Variants in PPM1B observed in about 807,000 individuals in gnomAD.
The protein encoded by PPM1B is protein phosphatase 1B.
PPM1B carries 22 observed loss-of-function variants against 43.0 expected under a neutral mutation model. The observed-to-expected ratio is 0.51, with a 90% CI of 0.37 to 0.73. The LOEUF is 0.73. Among genes scored for constraint, PPM1B ranks in the 30% least tolerant of loss-of-function variants. PPM1B has a pLI of 0.00. For synonymous variants in PPM1B, 217 were observed against 197.9 expected (o/e 1.10, Z -0.81); for missense variants, 632 against 584.2 (o/e 1.08, Z -0.84).
chr2:44,189,905 A>T (rs1668321654), intron 1 of PPM1B, among the ~76,000 whole-genome samples: 1 of 152,066 alleles, frequency 6.6e-6, no homozygotes, highest in Non-Finnish European at 1.5e-5. Flanking sequence ...ACCTTTTTAA[A>T]ATTTTTCCTT....
At chr2:44,200,135 G>A (rs1223965214) in intron 1 of PPM1B, among the ~76,000 whole-genome samples, 1 of 152,148 alleles carries the variant, frequency 6.6e-6, no homozygotes, top group African/African-American at 2.4e-5. Context: ...ATTTTATGGT[G>A]TTTATTGTGT....
intron 1 of PPM1B, among the ~76,000 whole-genome samples, chr2:44,175,785 A>AT (rs1341851363): frequency 0.3 from 42,041 of 138,298 alleles, 6,735 homozygotes; most frequent in East Asian, 0.43. Context: ...TTGGTTTGAG[A>AT]TTTTTTTTTT....
intron 1 of PPM1B, among the ~76,000 whole-genome samples, chr2:44,173,030 C>T (rs532633468): frequency 2.0e-5 from 3 of 152,328 alleles, no homozygotes; most frequent in South Asian, 2.1e-4. Context: ...GACTAACAAG[C>T]GTGGCCAGGC....
downstream of PPM1B, among the ~76,000 whole-genome samples, chr2:44,246,136 T>C (rs1272925422): frequency 6.6e-6 from 1 of 152,226 alleles, no homozygotes; most frequent in Non-Finnish European, 1.5e-5. Context: ...TCTCATTTTC[T>C]TGATCATTCT....
At chr2:44,243,474 A>T (rs1240612887) in intron 5 of PPM1B, among the ~76,000 whole-genome samples, 2 of 152,164 alleles carry the variant, frequency 1.3e-5, no homozygotes, top group African/African-American at 4.8e-5. Context: ...ATCCTAAGTA[A>T]ATATTTACAT....
rs776242364 is a variant in PPM1B at position 44,218,897 on chromosome 2, A to G, written c.1134+360A>G. ...ATTTCTCCTCCAGCAGGCTGCTGCC[A>G]TCACCAGAAGTTAGTGATAGTGAGT... On this transcript the variant is annotated intron_variant, in intron 5 of 5. Transcript: ENST00000282412. The G allele has an allele frequency of 6.4e-6, 3 of 465,656 alleles. No homozygotes were observed. In the East Asian group the frequency reaches 1.9e-4, roughly 29 times the overall value. 28.8% of individuals were successfully genotyped at this position (465,656 alleles called of 1,614,324 possible). A position where few individuals can be genotyped will look rare whatever the true frequency, so the allele number is the denominator to read the frequency against.
intron 5 of PPM1B, among the ~76,000 whole-genome samples, chr2:44,225,497 A>G (rs558971627): frequency 6.6e-6 from 1 of 152,228 alleles, no homozygotes; most frequent in Non-Finnish European, 1.5e-5. Flanking sequence ...TCTATTGTCT[A>G]TCCAGAGTGA....
In PPM1B at chr2:44,201,134, C is replaced by G. The variant is rs2104126260; in HGVS notation, c.-14-52C>G. 1 of 1,477,442 alleles carries G rather than the reference C, an allele frequency of 6.8e-7. No homozygotes were observed. The highest frequency in any genetic ancestry group is 2.3e-5 in the East Asian group (1 of 43,826). 91.5% of individuals were successfully genotyped at this position (1,477,442 alleles called of 1,614,324 possible). A position where few individuals can be genotyped will look rare whatever the true frequency, so the allele number is the denominator to read the frequency against. On this transcript the variant is annotated intron_variant, in intron 1 of 5. Transcript: ENST00000282412. This position sits in a 1 kb window ranked among gnomAD's most constrained non-coding sequence, Gnocchi z 5.4. ...ACTAGACTATAGAGGGAATATTGTA[C>G]ATACATTTTCTGTCAAATTTAAACA...
chr2:44,229,414 C>A (rs952645156), intron 5 of PPM1B, among the ~76,000 whole-genome samples: 5 of 152,084 alleles, frequency 3.3e-5, no homozygotes, highest in Admixed American at 1.3e-4. Context: ...ATCAATCAAG[C>A]ACATTAAACA....
intron 5 of PPM1B, among the ~76,000 whole-genome samples, chr2:44,225,390 T>C (rs975035574): frequency 1.3e-5 from 2 of 152,142 alleles, no homozygotes; most frequent in African/African-American, 2.4e-5. Flanking sequence ...ACCTAGATAA[T>C]AGGTTTCTCT....
chr2:44,203,739 C>A (rs1294560310), intron 2 of PPM1B, among the ~76,000 whole-genome samples: 1 of 151,998 alleles, frequency 6.6e-6, no homozygotes, highest in African/African-American at 2.4e-5. Flanking sequence ...TATCATTTTT[C>A]TTGGCTGCGT....
At chr2:44,218,672 T>G (rs1669838281) in intron 5 of PPM1B, 135 bp downstream of exon 5, 1 of 659,134 alleles carries the variant, frequency 1.5e-6, no homozygotes. Context: ...CATTTTAAAG[T>G]GTCAGTTAAA....
intron 2 of PPM1B, among the ~76,000 whole-genome samples, chr2:44,204,244 T>C (rs1669066422): frequency 6.6e-6 from 1 of 152,244 alleles, no homozygotes; most frequent in Non-Finnish European, 1.5e-5. Context: ...TGTCTTTCCA[T>C]TTATTTGTAT....
At chr2:44,227,454 G>A (rs146669218) in intron 5 of PPM1B, among the ~76,000 whole-genome samples, 1 of 151,248 alleles carries the variant, frequency 6.6e-6, no homozygotes, top group East Asian at 1.9e-4. Context: ...TTTTACATAT[G>A]CTAACATGAA....
chr2:44,235,603 C>CAAA (rs60734033), downstream of PPM1B, among the ~76,000 whole-genome samples: 47 of 73,432 alleles, frequency 6.4e-4, no homozygotes, highest in African/African-American at 1.0e-3. Flanking sequence ...AATTCCATCT[C>CAAA]AAAAAAAAAA....
intron 2 of PPM1B, among the ~76,000 whole-genome samples, chr2:44,205,895 C>T (rs1404865331): frequency 6.6e-6 from 1 of 152,072 alleles, no homozygotes; most frequent in African/African-American, 2.4e-5. Context: ...AATGTAACCC[C>T]CTCAATAATT....
chr2:44,197,249 A>T (rs568061233), intron 1 of PPM1B, among the ~76,000 whole-genome samples: 1 of 152,086 alleles, frequency 6.6e-6, no homozygotes, highest in Non-Finnish European at 1.5e-5. Context: ...CCTCCTGAGT[A>T]ACCCAGGCTA....
At chr2:44,229,659 T>C (rs1670382702) in intron 5 of PPM1B, among the ~76,000 whole-genome samples, 1 of 152,354 alleles carries the variant, frequency 6.6e-6, no homozygotes, top group African/African-American at 2.4e-5. Context: ...TACTTTATAA[T>C]GCATCATATC....
At chr2:44,235,309 A>C (rs1425056354), downstream of PPM1B, among the ~76,000 whole-genome samples, 1 of 152,232 alleles carries the variant, frequency 6.6e-6, no homozygotes, top group Admixed American at 6.5e-5. Flanking sequence ...CAATGATTAA[A>C]GTTTTTTGTT....
Sources: gnomAD v4.1 joint callset for allele counts (sites outside exome capture counted in the v4.1 genomes callset) on GRCh38, gnomAD v4.1.1 for gene constraint, Gnocchi (gnomAD v3.1) non-coding constraint, MANE v1.5 for transcripts, NCBI Gene and HGNC (gene_info 2026-07-23, HGNC 2026-07-21) for gene names.